The following STK32B variants were observed in gnomAD, a reference collection of about 807,000 sequenced individuals.
STK32B encodes serine/threonine-protein kinase 32B.
A neutral mutation model predicts 52.6 loss-of-function variants in STK32B; 43 were observed. The ratio of observed to expected loss-of-function variants is 0.82; its 90% CI spans 0.64 to 1.05. The LOEUF (loss-of-function observed/expected upper bound fraction) is 1.05, where lower values mean the gene tolerates loss of function less well. Among genes scored for constraint, STK32B ranks in the 50% least tolerant of loss-of-function variants. The pLI, the probability that STK32B is intolerant of heterozygous loss-of-function variation, is 0.00. For missense variants in STK32B, 621 were observed against 534.6 expected (o/e 1.16, Z -1.59); for synonymous variants, 238 against 204.3 (o/e 1.17, Z -1.41).
intron 3 of STK32B, among the ~76,000 whole-genome samples, chr4:5,284,044 G>A (rs1728386314): frequency 6.6e-6 from 1 of 152,050 alleles, no homozygotes; most frequent in South Asian, 2.1e-4. Flanking sequence ...AATTGTCTAG[G>A]CGTACAAATT....
chr4:5,293,792 A>T (rs1729031565), intron 3 of STK32B, among the ~76,000 whole-genome samples: 1 of 152,076 alleles, frequency 6.6e-6, no homozygotes, highest in Admixed American at 6.5e-5. Context: ...CTTTAGTTTA[A>T]TGAGATCTCA....
At chr4:5,163,769 C>A (rs1013963497) in intron 2 of STK32B, among the ~76,000 whole-genome samples, 2 of 152,192 alleles carry the variant, frequency 1.3e-5, no homozygotes, top group African/African-American at 4.8e-5. Context: ...TGGAAGCTAT[C>A]AGTAAATTCT....
At chr4:5,193,526 G>A (rs190213838) in intron 3 of STK32B, among the ~76,000 whole-genome samples, 154 of 152,312 alleles carry the variant, frequency 1.0e-3, no homozygotes, top group African/African-American at 3.4e-3. Context: ...AAGCCTCTGC[G>A]TCATGCAGCC....
At chr4:5,028,107 G>T in the STK32B span, among the ~76,000 whole-genome samples, 4 of 152,212 alleles carry the variant, frequency 2.6e-5, no homozygotes, top group East Asian at 7.7e-4. Context: ...CCAGCAGAGT[G>T]CTCGGTGCGG....
intron 1 of STK32B, among the ~76,000 whole-genome samples, chr4:5,111,972 T>C (rs1714430212): frequency 6.6e-6 from 1 of 152,156 alleles, no homozygotes; most frequent in South Asian, 2.1e-4. Context: ...ATGTGCACAC[T>C]TTAGTAAGCA....
intron 4 of STK32B, among the ~76,000 whole-genome samples, chr4:5,385,049 G>A (rs1187822427): frequency 2.0e-5 from 3 of 152,128 alleles, no homozygotes; most frequent in Non-Finnish European, 4.4e-5. Flanking sequence ...GGACTTTTCC[G>A]AGCGTCCACA....
the STK32B span, among the ~76,000 whole-genome samples, chr4:5,021,355 G>C: frequency 0.029 from 4,471 of 152,294 alleles, 88 homozygotes; most frequent in Non-Finnish European, 0.045. Context: ...TAGGGACCGC[G>C]GCCTTCGGGC....
chr4:5,082,555 C>T lies in STK32B; in HGVS notation c.52+30640C>T, dbSNP rs370259949. On this transcript the variant is annotated intron_variant, in intron 1 of 11. Coordinates refer to ENST00000282908, the MANE Select transcript of STK32B (RefSeq NM_018401.3). ...GGGATTTTTGTCTATCTGATTCACT[C>T]CTATATCCGTATCTATTGCCTGCTG... Among the ~76,000 whole-genome samples the T allele has an allele frequency of 3.9e-5, 6 of 152,296 alleles. No homozygotes were observed. In the South Asian group the frequency reaches 6.2e-4, roughly 16 times the overall value.
the STK32B span, among the ~76,000 whole-genome samples, chr4:5,027,993 C>T: frequency 6.6e-6 from 1 of 152,218 alleles, no homozygotes; most frequent in Admixed American, 6.5e-5. Context: ...GCCCTGCGGT[C>T]ATTTCTGGCT....
intron 3 of STK32B, among the ~76,000 whole-genome samples, chr4:5,250,843 G>T (rs1238804444): frequency 6.6e-6 from 1 of 152,116 alleles, no homozygotes; most frequent in Non-Finnish European, 1.5e-5. Context: ...TCATATGCTT[G>T]TTGGTCGTGT....
intron 3 of STK32B, among the ~76,000 whole-genome samples, chr4:5,248,132 G>A (rs1252590606): frequency 1.3e-5 from 2 of 152,182 alleles, no homozygotes. Context: ...ATATTGCTGA[G>A]GTCCTAGTGT....
chr4:5,323,641 C>A (rs1731672681), intron 3 of STK32B, among the ~76,000 whole-genome samples: 1 of 152,178 alleles, frequency 6.6e-6, no homozygotes, highest in South Asian at 2.1e-4. Context: ...TGTACAATGC[C>A]CCACTTCTGT....
chr4:5,392,287 G>C (rs748286652), intron 4 of STK32B, among the ~76,000 whole-genome samples: 2 of 152,060 alleles, frequency 1.3e-5, no homozygotes, highest in Admixed American at 6.5e-5. Context: ...TTAGTCAGGT[G>C]TGGTGGTGCA....
At chr4:5,389,313 T>G (rs1368578806) in intron 4 of STK32B, among the ~76,000 whole-genome samples, 1 of 152,202 alleles carries the variant, frequency 6.6e-6, no homozygotes, top group Non-Finnish European at 1.5e-5. Context: ...AAAGCTGCCA[T>G]ACAAAATACC....
intron 1 of STK32B, among the ~76,000 whole-genome samples, chr4:5,137,193 C>T (rs904868961): frequency 2.0e-4 from 30 of 152,178 alleles, no homozygotes; most frequent in African/African-American, 7.2e-4. Flanking sequence ...CTCAGGAAGG[C>T]AGTAATCATG....
At chr4:5,029,442 C>T in the STK32B span, among the ~76,000 whole-genome samples, 47 of 152,216 alleles carry the variant, frequency 3.1e-4, no homozygotes, top group African/African-American at 1.1e-3. Flanking sequence ...GCTGGCTTGA[C>T]AGTGGAGGGA....
chr4:5,216,202 C>A (rs116089175), intron 3 of STK32B, among the ~76,000 whole-genome samples: 1 of 152,066 alleles, frequency 6.6e-6, no homozygotes, highest in Admixed American at 6.5e-5. Flanking sequence ...TTGGAACTAG[C>A]GGACTTGCAT....
At chr4:5,262,620 A>G (rs1216533971) in intron 3 of STK32B, among the ~76,000 whole-genome samples, 35 of 145,292 alleles carry the variant, frequency 2.4e-4, no homozygotes, top group Admixed American at 2.4e-3. Context: ...GCGAGACTCC[A>G]TCTCAAAAAA....
chr4:5,231,770 G>A (rs1291041885), intron 3 of STK32B, among the ~76,000 whole-genome samples: 1 of 152,118 alleles, frequency 6.6e-6, no homozygotes. Flanking sequence ...AGGATACAAG[G>A]GTGACAAATC....
Sources: allele counts gnomAD v4.1 joint callset (sites outside exome capture counted in the v4.1 genomes callset), GRCh38; gene constraint gnomAD v4.1.1; transcripts MANE v1.5; gene names NCBI Gene and HGNC (gene_info 2026-07-23, HGNC 2026-07-21).